FAM193A: variants seen among roughly 807,000 people sequenced by gnomAD.
FAM193A encodes the protein family with sequence similarity 193 member A, also known as protein FAM193A.
Under a neutral mutation model 126.5 loss-of-function variants are expected in FAM193A, and 22 were observed. The observed-to-expected ratio is 0.17, with a 90% CI of 0.12 to 0.25. The LOEUF is 0.25. Ranked by LOEUF, FAM193A falls within the 10% of genes least tolerant of loss-of-function variation. The probability of loss-of-function intolerance (pLI) is 1.00; values close to 1 mark genes in which losing one functional copy is unlikely to be tolerated. For synonymous variants in FAM193A, 761 were observed against 646.8 expected, an observed-to-expected ratio of 1.18 and a Z score of -2.68; for missense variants, 1,675 against 1,672.8, an observed-to-expected ratio of 1.00 and a Z score of -0.02.
intron 12 of FAM193A, among the ~76,000 whole-genome samples, chr4:2,670,493 C>G (rs1018763857): frequency 6.6e-6 from 1 of 152,074 alleles, no homozygotes; most frequent in African/African-American, 2.4e-5. Context: ...TGCTCTGCCA[C>G]CCAGGCTGAA....
chr4:2,682,961 T>A (rs2109225150), intron 13 of FAM193A, among the ~76,000 whole-genome samples: 1 of 152,362 alleles, frequency 6.6e-6, no homozygotes, highest in African/African-American at 2.4e-5. Context: ...TTTATGTAGA[T>A]CCACGTTTCT....
intron 13 of FAM193A, among the ~76,000 whole-genome samples, chr4:2,687,797 A>G (rs1404295226): frequency 6.6e-6 from 1 of 151,892 alleles, no homozygotes; most frequent in African/African-American, 2.4e-5. Flanking sequence ...TCCCTCTGTG[A>G]CTCCCCAGCC....
intron 19 of FAM193A, among the ~76,000 whole-genome samples, chr4:2,705,264 A>T (rs1157749696): frequency 6.6e-6 from 1 of 152,214 alleles, no homozygotes; most frequent in African/African-American, 2.4e-5. Flanking sequence ...AGTATGCTGC[A>T]GACATTCTCT....
chr4:2,697,816 A>T (rs776392168), intron 18 of FAM193A, among the ~76,000 whole-genome samples: 1 of 152,176 alleles, frequency 6.6e-6, no homozygotes, highest in Non-Finnish European at 1.5e-5. Flanking sequence ...CAGAGAACAC[A>T]GTGTGTCCTC....
At chr4:2,552,988 C>T (rs150209965) in intron 1 of FAM193A, among the ~76,000 whole-genome samples, 49 of 151,490 alleles carry the variant, frequency 3.2e-4, no homozygotes, top group Non-Finnish European at 5.9e-4. Flanking sequence ...GCTGGGATTA[C>T]AGGCGCCCGC....
At chr4:2,664,546 TC>T (rs1712866879) in intron 12 of FAM193A, among the ~76,000 whole-genome samples, 2 of 146,104 alleles carry the variant, frequency 1.4e-5, no homozygotes, top group African/African-American at 5.0e-5. Flanking sequence ...TTTCTCTCTC[TC>T]TATTTTCTTT....
At chr4:2,712,885 C>G (rs568366353) in intron 19 of FAM193A, among the ~76,000 whole-genome samples, 3 of 150,944 alleles carry the variant, frequency 2.0e-5, no homozygotes, top group South Asian at 2.1e-4. Flanking sequence ...GGCAGATCAC[C>G]TGAGGTCAAG....
intron 1 of FAM193A, among the ~76,000 whole-genome samples, chr4:2,586,073 A>G (rs1740217091): frequency 6.6e-6 from 1 of 151,962 alleles, no homozygotes; most frequent in South Asian, 2.1e-4. Context: ...GAGAAACCCC[A>G]TCTCTACTAA....
At chr4:2,635,145 T>C (rs1241014228) in intron 5 of FAM193A, among the ~76,000 whole-genome samples, 1 of 152,224 alleles carries the variant, frequency 6.6e-6, no homozygotes, top group Non-Finnish European at 1.5e-5. Context: ...TACCGACTAA[T>C]GCCAGCCAAT....
intron 2 of FAM193A, among the ~76,000 whole-genome samples, chr4:2,619,364 G>A (rs1742400229): frequency 1.3e-5 from 2 of 150,150 alleles, no homozygotes; most frequent in Admixed American, 1.3e-4. Flanking sequence ...CTGCAGTGGT[G>A]TAATCTCGGC....
chr4:2,553,806 G>A (rs867950271), intron 1 of FAM193A, among the ~76,000 whole-genome samples: 35 of 152,006 alleles, frequency 2.3e-4, no homozygotes, highest in Admixed American at 6.6e-4. Context: ...ATGCATGTAG[G>A]TCTTTCCCGT....
At chr4:2,605,298 A>C (rs1043704004) in intron 2 of FAM193A, among the ~76,000 whole-genome samples, 2 of 151,634 alleles carry the variant, frequency 1.3e-5, no homozygotes, top group African/African-American at 4.9e-5. Flanking sequence ...CCTAGTCCTC[A>C]CTCTTACTGT....
At chr4:2,709,240 C>A (rs772069013) in intron 19 of FAM193A, among the ~76,000 whole-genome samples, 2 of 151,996 alleles carry the variant, frequency 1.3e-5, no homozygotes, top group Non-Finnish European at 2.9e-5. Flanking sequence ...AACTTGAATT[C>A]CTGGAATAAA....
chr4:2,595,088 A>C, intron 1 of FAM193A, among the ~76,000 whole-genome samples: 1 of 150,286 alleles, frequency 6.7e-6, no homozygotes. Context: ...TTGCCCTCTC[A>C]CCCAGGCTAG....
chr4:2,680,930 C>T (rs1205675484), intron 13 of FAM193A, among the ~76,000 whole-genome samples: 2 of 152,228 alleles, frequency 1.3e-5, no homozygotes, highest in Non-Finnish European at 2.9e-5. Context: ...GCGTGAGCTA[C>T]AGCGCCGAGC....
rs1047222895 is a variant in FAM193A, at chr4:2,726,999, G to T, written c.4455-4776G>T. Among the ~76,000 whole-genome samples the T allele has an allele frequency of 6.0e-5, 9 of 150,622 alleles. No homozygotes were observed. The East Asian group carries it at 1.8e-3, about 29-fold the overall frequency. On this transcript the variant is annotated intron_variant, in intron 20 of 20. Transcript: ENST00000637812. The stretch of plus-strand genomic sequence containing the variant: ...TGACCAGCCGGGCGCAGTGGCTCCT[G>T]CCTGTAATCCCACTACTTTGGGAGG...
chr4:2,574,678 T>G (rs547716348), intron 1 of FAM193A, among the ~76,000 whole-genome samples: 35 of 152,284 alleles, frequency 2.3e-4, no homozygotes, highest in African/African-American at 8.2e-4. Flanking sequence ...GTATCCACGT[T>G]TATGTCTAAC....
At chr4:2,611,271 A>G (rs1741855906) in intron 2 of FAM193A, among the ~76,000 whole-genome samples, 1 of 150,544 alleles carries the variant, frequency 6.6e-6, no homozygotes, top group African/African-American at 2.4e-5. Context: ...CTATTTATTT[A>G]TTTATTTATT....
chr4:2,632,300 T>G (rs1413948375), intron 5 of FAM193A, among the ~76,000 whole-genome samples: 1 of 152,140 alleles, frequency 6.6e-6, no homozygotes, highest in Non-Finnish European at 1.5e-5. Context: ...GTGTGGTGGC[T>G]CATACCTGTA....
Sources: allele counts gnomAD v4.1 joint callset (sites outside exome capture counted in the v4.1 genomes callset), GRCh38; gene constraint gnomAD v4.1.1; transcripts MANE v1.5; gene names NCBI Gene and HGNC (gene_info 2026-07-23, HGNC 2026-07-21).